The following SERINC5 variants were observed in gnomAD, a reference collection of about 807,000 sequenced individuals.
SERINC5 encodes chromosome 5 open reading frame 12.
A neutral mutation model predicts 63.1 loss-of-function variants in SERINC5; 41 were observed. The ratio of observed to expected loss-of-function variants is 0.65; its 90% CI spans 0.51 to 0.84. The LOEUF is 0.84. Ranked by LOEUF, SERINC5 falls within the 40% of genes least tolerant of loss-of-function variation. The pLI is 0.00. For synonymous variants in SERINC5, 222 were observed against 215.2 expected, an observed-to-expected ratio of 1.03 and a Z score of -0.28; for missense variants, 523 against 573.0, an observed-to-expected ratio of 0.91 and a Z score of 0.89.
At chr5:80,249,191 T>C (rs1194596941) in intron 1 of SERINC5, among the ~76,000 whole-genome samples, 1 of 152,018 alleles carries the variant, frequency 6.6e-6, no homozygotes, top group Non-Finnish European at 1.5e-5. Context: ...GATGGGTGCC[T>C]GTAGTCCCAG....
At chr5:80,149,181 T>C (rs994152118) in intron 9 of SERINC5, among the ~76,000 whole-genome samples, 3 of 152,212 alleles carry the variant, frequency 2.0e-5, no homozygotes, top group Non-Finnish European at 2.9e-5. Context: ...ACTTGGAGAC[T>C]TGCTGTTCTT....
At chr5:80,197,281 C>T (rs1040461914) in intron 2 of SERINC5, among the ~76,000 whole-genome samples, 1 of 111,884 alleles carries the variant, frequency 8.9e-6, no homozygotes, top group East Asian at 2.7e-4. Flanking sequence ...GCGTTTCAGC[C>T]AGAGAGACAG....
At chr5:80,166,537 C>T in intron 6 of SERINC5, 59 bp from the exon 7 acceptor site, 1 of 1,116,764 alleles carries the variant, frequency 9.0e-7, no homozygotes, top group South Asian at 1.3e-5. Flanking sequence ...AAAGCACATG[C>T]CTAAAAAACC....
chr5:80,173,264 AG>A (rs1747788653), intron 5 of SERINC5, among the ~76,000 whole-genome samples: 2 of 150,980 alleles, frequency 1.3e-5, no homozygotes, highest in Admixed American at 6.6e-5. Flanking sequence ...GAAGGAAGGA[AG>A]GAAGGAAGGA....
intron 1 of SERINC5, among the ~76,000 whole-genome samples, chr5:80,222,821 G>A (rs1750972942): frequency 2.0e-5 from 3 of 152,062 alleles, no homozygotes; most frequent in South Asian, 2.1e-4. Context: ...TGATCCACCC[G>A]CCTCGGCCTC....
chr5:80,235,328 A>G (rs893204735), intron 1 of SERINC5, among the ~76,000 whole-genome samples: 1 of 152,224 alleles, frequency 6.6e-6, no homozygotes. Flanking sequence ...TAACGGCAAC[A>G]TATTTCATTG....
At position 80,139,311 on chromosome 5, in the gene SERINC5, A is replaced by G; in HGVS notation, c.*4352T>C. On this transcript the variant is annotated 3_prime_UTR_variant, in exon 12 of 12. Transcript: ENST00000507668. ...ATTTCTTATAAATAGCTCTCCAGAC[A>G]TATATTACAAATCTGCTGTAAGCTT... 1 of 981,436 alleles carries G rather than the reference A, an allele frequency of 1.0e-6. No individual in the cohort carries two copies. The allele number at this position is 981,436 out of a possible 1,614,324, so 60.8% of individuals were successfully genotyped here. A position where few individuals can be genotyped will look rare whatever the true frequency, so the allele number is the denominator to read the frequency against.
chr5:80,232,694 G>C (rs1463368394), intron 1 of SERINC5, among the ~76,000 whole-genome samples: 1 of 151,668 alleles, frequency 6.6e-6, no homozygotes, highest in Non-Finnish European at 1.5e-5. Flanking sequence ...TGAGGCAGGA[G>C]AATCACTTGA....
chr5:80,179,109 G>A (rs1411506844), intron 2 of SERINC5, among the ~76,000 whole-genome samples: 1 of 152,092 alleles, frequency 6.6e-6, no homozygotes, highest in African/African-American at 2.4e-5. Context: ...AGACCAGCCT[G>A]GCCAACATGT....
intron 11 of SERINC5, among the ~76,000 whole-genome samples, chr5:80,121,498 AG>A (rs1744541917): frequency 6.6e-6 from 1 of 152,098 alleles, no homozygotes. Flanking sequence ...CCCAAACGCC[AG>A]GCCCCACCTC....
intron 2 of SERINC5, among the ~76,000 whole-genome samples, chr5:80,195,319 A>C (rs1749432030): frequency 6.6e-6 from 1 of 152,092 alleles, no homozygotes; most frequent in Non-Finnish European, 1.5e-5. Context: ...CAATGTATTC[A>C]AATTATATCC....
At chr5:80,235,046 G>A (rs893132111) in intron 1 of SERINC5, among the ~76,000 whole-genome samples, 8 of 151,968 alleles carry the variant, frequency 5.3e-5, no homozygotes, top group South Asian at 4.1e-4. Context: ...TTTTCATCAC[G>A]CAGCACTGAA....
intron 1 of SERINC5, among the ~76,000 whole-genome samples, chr5:80,253,868 G>A (rs112307765): frequency 1.5e-3 from 228 of 152,312 alleles, no homozygotes; most frequent in African/African-American, 5.3e-3. Flanking sequence ...CAAAAGGCAG[G>A]TGCCCACAGA....
intron 11 of SERINC5, among the ~76,000 whole-genome samples, chr5:80,144,898 CA>C (rs1272911135): frequency 6.7e-6 from 1 of 149,618 alleles, no homozygotes; most frequent in African/African-American, 2.5e-5. Flanking sequence ...ACTTAGTGGT[CA>C]AAAAAATTAT....
chr5:80,199,681 A>C (rs1749711553), intron 2 of SERINC5, among the ~76,000 whole-genome samples: 1 of 152,142 alleles, frequency 6.6e-6, no homozygotes, highest in Admixed American at 6.6e-5. Context: ...CTCTCCCTCT[A>C]ACGTCTCAAT....
At chr5:80,192,850 T>G (rs1580144804) in intron 2 of SERINC5, among the ~76,000 whole-genome samples, 1 of 152,176 alleles carries the variant, frequency 6.6e-6, no homozygotes, top group Non-Finnish European at 1.5e-5. Context: ...GGAGAGAGCA[T>G]TCCTGAGTTA....
At chr5:80,211,590 G>A (rs1046002756) in intron 1 of SERINC5, among the ~76,000 whole-genome samples, 19 of 152,088 alleles carry the variant, frequency 1.2e-4, no homozygotes, top group South Asian at 6.2e-4. Flanking sequence ...TATAAACTGC[G>A]GGCTGAAACT....
intron 12 of SERINC5, among the ~76,000 whole-genome samples, chr5:80,112,126 A>G (rs1053146110): frequency 1.3e-5 from 2 of 152,140 alleles, no homozygotes; most frequent in Non-Finnish European, 2.9e-5. Flanking sequence ...CCCCAGCCCG[A>G]CACCCGTGAA....
downstream of SERINC5, among the ~76,000 whole-genome samples, chr5:80,135,556 A>G (rs2112266081): frequency 6.6e-6 from 1 of 152,332 alleles, no homozygotes; most frequent in African/African-American, 2.4e-5. Flanking sequence ...AGTAAGGATG[A>G]GTGTATGAAA....
Sources: gnomAD v4.1 joint callset for allele counts (sites outside exome capture counted in the v4.1 genomes callset) on GRCh38, gnomAD v4.1.1 for gene constraint, MANE v1.5 for transcripts, NCBI Gene and HGNC (gene_info 2026-07-23, HGNC 2026-07-21) for gene names.